Variants in SEMA6D observed in about 807,000 individuals in gnomAD.
SEMA6D encodes semaphorin 6D, also known as semaphorin-6D.
SEMA6D carries 35 observed loss-of-function variants against 106.6 expected under a neutral mutation model. The observed-to-expected ratio is 0.33, with a 90% confidence interval of 0.25 to 0.44. SEMA6D has a LOEUF of 0.44. SEMA6D is among the 20% of genes least tolerant of loss of function. SEMA6D has a pLI of 1.00. For synonymous variants in SEMA6D, 499 were observed against 487.7 expected (o/e 1.02, Z -0.31); for missense variants, 1,185 against 1,345.9 (o/e 0.88, Z 1.87).
chr15:47,385,503 C>T (rs541281364), intron 1 of SEMA6D, among the ~76,000 whole-genome samples: 10 of 152,176 alleles, frequency 6.6e-5, no homozygotes, highest in African/African-American at 2.4e-4. Context: ...CTGGCCTCTG[C>T]TTTCCCTGAG....
At chr15:47,575,633 C>T (rs1257701008) in intron 3 of SEMA6D, among the ~76,000 whole-genome samples, 3 of 152,052 alleles carry the variant, frequency 2.0e-5, no homozygotes, top group African/African-American at 4.8e-5. Flanking sequence ...GCAGGAGAAT[C>T]GCTTCAACCC....
At chr15:47,460,872 A>T (rs2042486646) in intron 2 of SEMA6D, among the ~76,000 whole-genome samples, 1 of 152,084 alleles carries the variant, frequency 6.6e-6, no homozygotes, top group Non-Finnish European at 1.5e-5. Flanking sequence ...CCCGGAAATT[A>T]ACTCAACTAA....
At position 47,521,869 on chromosome 15, in the gene SEMA6D, C is replaced by T. The variant is rs569897574; in HGVS notation, c.-87+51324C>T. On this transcript the variant is annotated intron_variant, in intron 3 of 19. Coordinates refer to the SEMA6D transcript ENST00000558014. ...GCATGGTGGTGGGCGCCTGTAGTCC[C>T]AGCTACTCGGGAGGCTGAGGCAGGA... Among the ~76,000 whole-genome samples the T allele has an allele frequency of 1.7e-3, 262 of 151,974 alleles. 6 individuals are homozygous for T. In the South Asian group the frequency reaches 0.052, roughly 30 times the overall value.
chr15:47,265,634 T>G (rs1566960910), intron 1 of SEMA6D, among the ~76,000 whole-genome samples: 1 of 152,072 alleles, frequency 6.6e-6, no homozygotes, highest in African/African-American at 2.4e-5. Flanking sequence ...CTTAGTATTT[T>G]TTTCTTTTCA....
At chr15:47,715,906 A>G (rs1351499011), upstream of SEMA6D, among the ~76,000 whole-genome samples, 1 of 152,164 alleles carries the variant, frequency 6.6e-6, no homozygotes. Flanking sequence ...TATGCAATGC[A>G]CAGTATCCTC....
chr15:47,625,464 C>G (rs926727438), intron 4 of SEMA6D, among the ~76,000 whole-genome samples: 3 of 152,056 alleles, frequency 2.0e-5, no homozygotes, highest in Admixed American at 2.0e-4. Flanking sequence ...GGACTGGGTG[C>G]GATGGCACAT....
chr15:47,326,207 C>A (rs1278410927), intron 1 of SEMA6D, among the ~76,000 whole-genome samples: 1 of 152,126 alleles, frequency 6.6e-6, no homozygotes, highest in African/African-American at 2.4e-5. Flanking sequence ...GAACTCAATT[C>A]TTTCACAATC....
intron 1 of SEMA6D, among the ~76,000 whole-genome samples, chr15:47,337,741 C>T (rs531189886): frequency 3.3e-5 from 5 of 152,242 alleles, no homozygotes; most frequent in African/African-American, 1.2e-4. Context: ...TGTGCTCACA[C>T]TCAGCGTGGG....
rs78832242 is a variant in SEMA6D at position 47,228,847 on chromosome 15, G to A, written c.-239+44429G>A. Among the ~76,000 whole-genome samples, 735 of 152,060 alleles carry A rather than the reference G, an allele frequency of 4.8e-3. 7 individuals carry two copies. The highest frequency in any genetic ancestry group is 0.017 in the African/African-American group (693 of 41,530). ...AGTGGGTCCCTGTATGTAAGGATGA[G>A]GTTTCACCTAGTGACAAATAAATGA... On this transcript the variant is annotated intron_variant, in intron 1 of 19. Transcript: ENST00000558014.
chr15:47,605,762 G>A (rs541288082), intron 4 of SEMA6D, among the ~76,000 whole-genome samples: 54 of 152,200 alleles, frequency 3.5e-4, no homozygotes, highest in Non-Finnish European at 6.6e-4. Context: ...GAGATTCATA[G>A]AAGGTATGGG....
intron 1 of SEMA6D, among the ~76,000 whole-genome samples, chr15:47,396,016 TG>T (rs1270067772): frequency 1.3e-5 from 2 of 152,092 alleles, no homozygotes; most frequent in African/African-American, 4.8e-5. Flanking sequence ...ATGAAATTCA[TG>T]GTTTTATAAG....
chr15:47,349,093 A>C (rs146359689), intron 1 of SEMA6D, among the ~76,000 whole-genome samples: 93 of 147,882 alleles, frequency 6.3e-4, no homozygotes, highest in African/African-American at 2.3e-3. Flanking sequence ...CTTCCAGAGC[A>C]GACCTAGATG....
At chr15:47,718,196 C>T (rs2079203015) in intron 1 of SEMA6D, among the ~76,000 whole-genome samples, 1 of 152,204 alleles carries the variant, frequency 6.6e-6, no homozygotes, top group Non-Finnish European at 1.5e-5. Flanking sequence ...GAGCCAAGGC[C>T]GAAGGAGCCG....
intron 1 of SEMA6D, among the ~76,000 whole-genome samples, chr15:47,269,376 G>A (rs1457561711): frequency 9.4e-5 from 14 of 149,494 alleles, no homozygotes; most frequent in African/African-American, 3.4e-4. Flanking sequence ...AAAAAAAAAA[G>A]AATTATAGTT....
chr15:47,516,736 G>A (rs2044400833), intron 3 of SEMA6D, among the ~76,000 whole-genome samples: 1 of 152,068 alleles, frequency 6.6e-6, no homozygotes, highest in Admixed American at 6.5e-5. Flanking sequence ...CTTGGAAGAG[G>A]ACATCATCAA....
chr15:47,190,313 A>T (rs934813893), intron 1 of SEMA6D, among the ~76,000 whole-genome samples: 2 of 152,214 alleles, frequency 1.3e-5, no homozygotes, highest in African/African-American at 4.8e-5. Context: ...AGCACGTAAG[A>T]GAAATGTTCA....
At chr15:47,287,417 A>T (rs953848494) in intron 1 of SEMA6D, among the ~76,000 whole-genome samples, 15 of 152,190 alleles carry the variant, frequency 9.9e-5, no homozygotes, top group African/African-American at 3.6e-4. Flanking sequence ...AAATCTTTGA[A>T]TGTCAGAGTC....
chr15:47,386,820 T>A (rs1402500706), intron 1 of SEMA6D, among the ~76,000 whole-genome samples: 1 of 152,240 alleles, frequency 6.6e-6, no homozygotes, highest in Non-Finnish European at 1.5e-5. Flanking sequence ...AATGGGTTGT[T>A]TTAGCCAGAA....
chr15:47,391,204 C>A (rs1284698819), intron 1 of SEMA6D, among the ~76,000 whole-genome samples: 2 of 152,212 alleles, frequency 1.3e-5, no homozygotes, highest in East Asian at 3.8e-4. Flanking sequence ...ACACAATCAG[C>A]CTCCTTTCCT....
Sources: allele counts gnomAD v4.1 joint callset (sites outside exome capture counted in the v4.1 genomes callset), GRCh38; gene constraint gnomAD v4.1.1; transcripts MANE v1.5; gene names NCBI Gene and HGNC (gene_info 2026-07-23, HGNC 2026-07-21).